Variants in ESAM observed in about 807,000 individuals in gnomAD.
ESAM encodes endothelial cell-selective adhesion molecule.
In ESAM, 23 loss-of-function variants were observed where a neutral mutation model predicts 31.8. The observed-to-expected ratio is 0.72, with a 90% CI of 0.52 to 1.03. The LOEUF (loss-of-function observed/expected upper bound fraction) is 1.03. ESAM is among the 50% of genes least tolerant of loss of function. ESAM has a pLI of 0.00. For missense variants in ESAM, 478 were observed against 488.9 expected (o/e 0.98, Z 0.21); for synonymous variants, 216 against 207.2 (o/e 1.04, Z -0.37).
At chr11:124,758,007 G>C (rs1458332321) in intron 2 of ESAM, among the ~76,000 whole-genome samples, 1 of 152,106 alleles carries the variant, frequency 6.6e-6, no homozygotes, top group Non-Finnish European at 1.5e-5. Flanking sequence ...CCAGAAATAT[G>C]CTAACTTTTA....
Position 124,753,695 on chromosome 11 carries a change from G to A in ESAM, c.1124C>T (p.Ala375Val). The A allele has an allele frequency of 1.2e-6, 2 of 1,614,030 alleles. No homozygotes were observed. The highest frequency in any genetic ancestry group is 8.5e-7 in the Non-Finnish European group (1 of 1,180,038). ...CTGGGCAGGCACCATCACAGGCACA[G>A]CACCCATGCGGCTCAAGCCAGAGGA... is the stretch of plus-strand genomic sequence containing the variant. ...VSSSGLSRMGAVPVMVPAQSQ... is the reference protein window; with the variant it reads ...VSSSGLSRMGVVPVMVPAQSQ... Residue 375 changes from alanine to valine, a missense_variant, in exon 7 of 7, where the codon GCT becomes GTT. Physicochemically the swap from Ala to Val is moderately conservative, Grantham distance 64. Transcript: ENST00000278927.
At position 124,762,140 on chromosome 11, in the gene ESAM, C is replaced by A. The variant is rs760332691; in HGVS notation, c.15G>T (p.Pro5=). 1 of 1,609,074 alleles carries A rather than the reference C, an allele frequency of 6.2e-7. No individual in the cohort carries two copies. The highest frequency in any genetic ancestry group is 8.5e-7 in the Non-Finnish European group (1 of 1,177,760). MISL[P]GPLVTNLLRF... ...GCAGCAAGTTGGTCACCAGGGGCCCCGGGAGGGAAATCATGGCCCTCCCTG... is the reference window on the plus strand; with the variant it reads ...GCAGCAAGTTGGTCACCAGGGGCCCAGGGAGGGAAATCATGGCCCTCCCTG... The change falls in exon 1 of 7, where the codon CCG becomes CCT. Residue 5 remains proline (P), a synonymous_variant. Coordinates refer to ENST00000278927, the MANE Select transcript of ESAM (RefSeq NM_138961.3). This position sits in a 1 kb window ranked among gnomAD's most constrained non-coding sequence, Gnocchi z 6.4.
Position 124,754,451 on chromosome 11 carries a change from T to C in ESAM, c.731-111A>G. 1 of 1,507,730 alleles carries C rather than the reference T, an allele frequency of 6.6e-7. No individual in the cohort carries two copies. Among genetic ancestry groups the C allele is most frequent in the Non-Finnish European group, 8.9e-7 (1 of 1,122,880 alleles). The allele number at this position is 1,507,730 out of a possible 1,614,324, so 93.4% of individuals were successfully genotyped here. On this transcript the variant is annotated intron_variant, in intron 5 of 6. Coordinates refer to ENST00000278927, the MANE Select transcript of ESAM (RefSeq NM_138961.3). This position sits in a 1 kb window ranked among gnomAD's most constrained non-coding sequence, Gnocchi z 4.5. ...ACCATACACATTCCCTCTTTTTCCC[T>C]GTCAAGAAGAGGGGTGGCTGTTGAG...
chr11:124,758,417 A>G lies in ESAM; in HGVS notation c.181T>C (p.Ser61Pro), dbSNP rs1451655968. The G allele has an allele frequency of 6.2e-7, 1 of 1,613,930 alleles. No individual in the cohort carries two copies. The highest frequency in any genetic ancestry group is 8.5e-7 in the Non-Finnish European group (1 of 1,180,006). ...GGCACCTCCCATGGCTGGGATGAAG[A>G]CACCTCCCCGTGCAAGGTGTACCAC... ...PAWYTLHGEV[S>P]SSQPWEVPFV... Residue 61 changes from serine (S) to proline (P), a missense_variant, in exon 2 of 7, where the codon TCT (serine) becomes CCT (proline). Physicochemically the swap from Ser to Pro is moderately conservative, Grantham distance 74. Coordinates refer to ENST00000278927, the MANE Select transcript of ESAM (RefSeq NM_138961.3).
intron 1 of ESAM, 136 bp downstream of exon 1, chr11:124,761,949 G>A: frequency 5.1e-6 from 4 of 784,136 alleles, no homozygotes; most frequent in Non-Finnish European, 8.6e-6. Context: ...GTGATGCCCT[G>A]GAGTGGGATT....
chr11:124,758,561 C>G (rs1357211447), intron 1 of ESAM, 34 bp from the exon 2 acceptor site: 1 of 1,477,308 alleles, frequency 6.8e-7, no homozygotes, highest in Non-Finnish European at 9.0e-7. Context: ...GTGCCCAGGA[C>G]CGGCTCCCAG....
At position 124,754,383 on chromosome 11, in the gene ESAM, G is replaced by A. The variant is rs762284692; in HGVS notation, c.731-43C>T. 5 of 1,605,694 alleles carry A rather than the reference G, an allele frequency of 3.1e-6. No homozygotes were observed. The South Asian group carries it at 5.6e-5, about 18-fold the overall frequency. ...TCAGAGGAGGACACCCAGCTGAGGG[G>A]TTCTCACCCCTCTCCAATCCCACTC... On this transcript the variant is annotated intron_variant, in intron 5 of 6. Transcript: ENST00000278927. This position sits in a 1 kb window ranked among gnomAD's most constrained non-coding sequence, Gnocchi z 4.5.
chr11:124,756,066 G>T, intron 4 of ESAM, 141 bp downstream of exon 4: 2 of 1,174,772 alleles, frequency 1.7e-6, no homozygotes, highest in East Asian at 2.5e-5. Flanking sequence ...ATCTTTCTCT[G>T]CCCCACATCC....
rs774302006 is a variant in ESAM at position 124,754,808 on chromosome 11, T to TA, written c.608-46_608-45insT. The TA allele has an allele frequency of 9.4e-5, 142 of 1,518,520 alleles. No homozygotes were observed. In the South Asian group the frequency reaches 9.7e-4, roughly 10 times the overall value. 94.1% of individuals were successfully genotyped at this position (1,518,520 alleles called of 1,614,324 possible). ...ATCAGTCCAGGGACCCTCTTTCCCA[T>TA]TAAAAAAAAAAAAAAATCTTGTCCC... On this transcript the variant is annotated intron_variant, in intron 4 of 6. Transcript: ENST00000278927. The surrounding 1 kb of genome is among the most constrained non-coding windows in gnomAD (Gnocchi z 4.5).
In ESAM at chr11:124,754,580, C is replaced by T; in HGVS notation, c.730+61G>A. The T allele has an allele frequency of 6.4e-7, 1 of 1,569,658 alleles. No individual in the cohort carries two copies. Among genetic ancestry groups the T allele is most frequent in the Non-Finnish European group, 8.7e-7 (1 of 1,155,888 alleles). The stretch of plus-strand genomic sequence containing the variant: ...GGCCTCAGCAGACAGGCCTCCTCCC[C>T]ACTTGCAACCCCTCCCCCACCATTG... On this transcript the variant is annotated intron_variant, in intron 5 of 6. Transcript: ENST00000278927. The surrounding 1 kb of genome is among the most constrained non-coding windows in gnomAD (Gnocchi z 4.5).
In ESAM at chr11:124,754,598, C is replaced by A. The variant is rs371980406; in HGVS notation, c.730+43G>T. The A allele has an allele frequency of 2.0e-5, 31 of 1,585,876 alleles. No individual in the cohort carries two copies. The Admixed American group carries it at 3.0e-4, about 15-fold the overall frequency. ...TCCTCCCCACTTGCAACCCCTCCCCCACCATTGACCACTCTTCTTAACCAC... is the reference window on the plus strand; with the variant it reads ...TCCTCCCCACTTGCAACCCCTCCCCAACCATTGACCACTCTTCTTAACCAC... On this transcript the variant is annotated intron_variant, in intron 5 of 6. Transcript: ENST00000278927. This position sits in a 1 kb window ranked among gnomAD's most constrained non-coding sequence, Gnocchi z 4.5.
In ESAM at chr11:124,754,484, T is replaced by C; in HGVS notation, c.731-144A>G. 1.3e-6 allele frequency: 2 copies of C among 1,503,358 alleles called. No homozygotes were observed. The highest frequency in any genetic ancestry group is 1.8e-6 in the Non-Finnish European group (2 of 1,118,326). 93.1% of individuals were successfully genotyped at this position (1,503,358 alleles called of 1,614,324 possible). A position where few individuals can be genotyped will look rare whatever the true frequency, so the allele number is the denominator to read the frequency against. On this transcript the variant is annotated intron_variant, in intron 5 of 6. Coordinates refer to ENST00000278927, the MANE Select transcript of ESAM (RefSeq NM_138961.3). The surrounding 1 kb of genome is among the most constrained non-coding windows in gnomAD (Gnocchi z 4.5). ...AGAGGGGTGGCTGTTGAGCAGGAAA[T>C]GACCAGTCACTGACCAACCATTTGT...
chr11:124,761,175 ACCCAC>A (rs1944224580), intron 1 of ESAM, among the ~76,000 whole-genome samples: 1 of 152,044 alleles, frequency 6.6e-6, no homozygotes, highest in African/African-American at 2.4e-5. Flanking sequence ...ATATAGCTAA[ACCCAC>A]CCTTCACTCC....
chr11:124,761,269 C>T (rs1565443396), intron 1 of ESAM, among the ~76,000 whole-genome samples: 1 of 152,194 alleles, frequency 6.6e-6, no homozygotes, highest in Non-Finnish European at 1.5e-5. Context: ...CTAGTCCTGC[C>T]GGGTCCTCTC....
At position 124,754,535 on chromosome 11, in the gene ESAM, C is replaced by T. The variant is rs1002654709; in HGVS notation, c.730+106G>A. On this transcript the variant is annotated intron_variant, in intron 5 of 6. Coordinates refer to ENST00000278927, the MANE Select transcript of ESAM (RefSeq NM_138961.3). The surrounding 1 kb of genome is among the most constrained non-coding windows in gnomAD (Gnocchi z 4.5). ...ACAAACATTTGATCAGGGGAAGCTCCGTGCCCTGCTACAGAGACAGGCCTC... is the reference window on the plus strand; with the variant it reads ...ACAAACATTTGATCAGGGGAAGCTCTGTGCCCTGCTACAGAGACAGGCCTC... 9.0e-5 allele frequency: 138 copies of T among 1,525,158 alleles called. 1 individual carries two copies. The highest frequency in any genetic ancestry group is 8.1e-5 in the Non-Finnish European group (92 of 1,133,272). 94.5% of individuals were successfully genotyped at this position (1,525,158 alleles called of 1,614,324 possible). A position where few individuals can be genotyped will look rare whatever the true frequency, so the allele number is the denominator to read the frequency against.
chr11:124,758,250 C>T (rs1944179693), intron 2 of ESAM, 99 bp downstream of exon 2: 2 of 1,378,784 alleles, frequency 1.5e-6, no homozygotes, highest in African/African-American at 2.9e-5. Context: ...CCTTCCCCGG[C>T]CCCCATTCCC....
chr11:124,754,736 G>T lies in ESAM; in HGVS notation c.635C>A (p.Thr212Asn). 1 of 1,614,044 alleles carries T rather than the reference G, an allele frequency of 6.2e-7. No homozygotes were observed. The highest frequency in any genetic ancestry group is 8.5e-7 in the Non-Finnish European group (1 of 1,179,988). ...LDVIRGSLSLTNLSSSMAGVY... is the reference protein window; with the variant it reads ...LDVIRGSLSLNNLSSSMAGVY... ...TCCAGCCATGGAAGACGAAAGGTTG[G>T]TGAGGCTTAAAGACCCACGGATGAC... Residue 212 changes from threonine (T) to asparagine (N), a missense_variant, in exon 5 of 7, where the codon ACC (threonine) becomes AAC (asparagine). Transcript: ENST00000278927. This position sits in a 1 kb window ranked among gnomAD's most constrained non-coding sequence, Gnocchi z 4.5.
chr11:124,758,167 A>T (rs1944178716), intron 2 of ESAM, among the ~76,000 whole-genome samples, 182 bp downstream of exon 2: 1 of 152,142 alleles, frequency 6.6e-6, no homozygotes, highest in Non-Finnish European at 1.5e-5. Flanking sequence ...CCGGCAAAAG[A>T]TAATTGTTTG....
At position 124,754,415 on chromosome 11, in the gene ESAM, C is replaced by G; in HGVS notation, c.731-75G>C. 1 of 1,563,150 alleles carries G rather than the reference C, an allele frequency of 6.4e-7. No homozygotes were observed. Among genetic ancestry groups the G allele is most frequent in the East Asian group, 2.3e-5 (1 of 44,280 alleles). ...CCCCTCTCCAATCCCACTCTCCCCA[C>G]CCCATCTGCCACCATACACATTCCC... On this transcript the variant is annotated intron_variant, in intron 5 of 6. Transcript: ENST00000278927. The surrounding 1 kb of genome is among the most constrained non-coding windows in gnomAD (Gnocchi z 4.5).
Sources: gnomAD v4.1 joint callset for allele counts (sites outside exome capture counted in the v4.1 genomes callset) on GRCh38, gnomAD v4.1.1 for gene constraint, Gnocchi (gnomAD v3.1) non-coding constraint, MANE v1.5 for transcripts, NCBI Gene and HGNC (gene_info 2026-07-23, HGNC 2026-07-21) for gene names.